Variants in CACNA2D3 observed in about 807,000 individuals in gnomAD.
CACNA2D3 encodes the protein voltage-dependent calcium channel subunit alpha-2/delta-3.
Under a neutral mutation model 160.6 loss-of-function variants are expected in CACNA2D3, and 60 were observed. The ratio of observed to expected loss-of-function variants is 0.37; its 90% CI spans 0.30 to 0.46. The LOEUF is 0.46. Among genes scored for constraint, CACNA2D3 ranks in the 20% least tolerant of loss-of-function variants. The pLI, the probability that CACNA2D3 is intolerant of heterozygous loss-of-function variation, is 1.00. For synonymous variants in CACNA2D3, 558 were observed against 492.9 expected (o/e 1.13, Z -1.75); for missense variants, 1,205 against 1,365.0 (o/e 0.88, Z 1.85).
intron 5 of CACNA2D3, among the ~76,000 whole-genome samples, chr3:54,517,703 G>A (rs1701575835): frequency 6.6e-6 from 1 of 152,170 alleles, no homozygotes; most frequent in African/African-American, 2.4e-5. Flanking sequence ...TTCTCTGAGG[G>A]GACTCCTGAG....
chr3:54,525,384 T>G (rs1467982705), intron 5 of CACNA2D3, among the ~76,000 whole-genome samples: 1 of 152,154 alleles, frequency 6.6e-6, no homozygotes. Flanking sequence ...TCATTTTGTC[T>G]TTCATAGTTA....
chr3:54,647,702 T>G (rs556801789), intron 11 of CACNA2D3, among the ~76,000 whole-genome samples: 29 of 152,356 alleles, frequency 1.9e-4, no homozygotes, highest in South Asian at 6.2e-4. Flanking sequence ...CAACAGGGCC[T>G]TGCTCCAAGC....
At chr3:54,999,996 T>A (rs887228734) in intron 31 of CACNA2D3, among the ~76,000 whole-genome samples, 1 of 152,148 alleles carries the variant, frequency 6.6e-6, no homozygotes, top group African/African-American at 2.4e-5. Flanking sequence ...CCACCATCCA[T>A]GTGGGCACAC....
chr3:54,895,948 GA>G (rs1485850378), intron 25 of CACNA2D3, among the ~76,000 whole-genome samples: 5 of 152,184 alleles, frequency 3.3e-5, no homozygotes, highest in Non-Finnish European at 7.4e-5. Context: ...CTGGGGAGGG[GA>G]TATGATGATT....
At chr3:54,306,898 G>T (rs547581317) in intron 2 of CACNA2D3, among the ~76,000 whole-genome samples, 5 of 152,272 alleles carry the variant, frequency 3.3e-5, no homozygotes, top group African/African-American at 1.2e-4. Context: ...GGACTCAGTG[G>T]GAGATTTCAT....
intron 5 of CACNA2D3, among the ~76,000 whole-genome samples, chr3:54,541,943 T>C (rs1400828247): frequency 6.6e-6 from 1 of 151,814 alleles, no homozygotes; most frequent in Non-Finnish European, 1.5e-5. Context: ...TGTGGGTTTT[T>C]TTTTTTTTCG....
intron 5 of CACNA2D3, among the ~76,000 whole-genome samples, chr3:54,511,108 T>G (rs1701451632): frequency 6.6e-6 from 1 of 151,688 alleles, no homozygotes; most frequent in Non-Finnish European, 1.5e-5. Flanking sequence ...TCTGACCTCC[T>G]GCTGAGGGTA....
chr3:54,327,667 G>A (rs6784315), intron 3 of CACNA2D3, among the ~76,000 whole-genome samples: 95,527 of 151,916 alleles, frequency 0.63, 31,309 homozygotes, highest in Non-Finnish European at 0.74. Flanking sequence ...TCGTGAAAGA[G>A]AAAAGAATGT....
chr3:54,233,894 A>G (rs1350684597), intron 2 of CACNA2D3, among the ~76,000 whole-genome samples: 2 of 152,226 alleles, frequency 1.3e-5, no homozygotes, highest in Non-Finnish European at 2.9e-5. Context: ...ATAACACCAA[A>G]TAAGTTTTCA....
At chr3:55,024,075 G>T (rs1473040441) in intron 35 of CACNA2D3, among the ~76,000 whole-genome samples, 1 of 121,052 alleles carries the variant, frequency 8.3e-6, no homozygotes, top group Non-Finnish European at 1.7e-5. Flanking sequence ...CTGACTTGGG[G>T]GCATTCTAGA....
intron 11 of CACNA2D3, 57 bp from the exon 12 acceptor site, chr3:54,752,542 C>G (rs1370759869): frequency 8.4e-7 from 1 of 1,187,632 alleles, no homozygotes; most frequent in Non-Finnish European, 1.2e-6. Flanking sequence ...TGCATGTGAT[C>G]TGTGCAGGAT....
At chr3:54,286,386 A>G (rs1303993548) in intron 2 of CACNA2D3, among the ~76,000 whole-genome samples, 1 of 152,222 alleles carries the variant, frequency 6.6e-6, no homozygotes, top group Admixed American at 6.5e-5. Context: ...AGAAAAAAGA[A>G]TAAAAAGAAA....
chr3:54,294,562 G>T (rs1260103197), intron 2 of CACNA2D3, among the ~76,000 whole-genome samples: 1 of 152,170 alleles, frequency 6.6e-6, no homozygotes, highest in Non-Finnish European at 1.5e-5. Flanking sequence ...GAAGCTGGTG[G>T]TGTGGGGAGT....
chr3:54,207,608 T>C (rs1180506374), intron 2 of CACNA2D3, among the ~76,000 whole-genome samples: 1 of 152,174 alleles, frequency 6.6e-6, no homozygotes, highest in Non-Finnish European at 1.5e-5. Context: ...GGTAGCAGTC[T>C]TCCAAGCCAG....
At chr3:54,153,453 C>T (rs1275070471) in intron 2 of CACNA2D3, among the ~76,000 whole-genome samples, 1 of 152,184 alleles carries the variant, frequency 6.6e-6, no homozygotes, top group African/African-American at 2.4e-5. Flanking sequence ...CTTATTTATT[C>T]AGTCAACATT....
intron 11 of CACNA2D3, among the ~76,000 whole-genome samples, chr3:54,683,427 T>C (rs1441656400): frequency 6.6e-6 from 1 of 152,252 alleles, no homozygotes; most frequent in African/African-American, 2.4e-5. Flanking sequence ...AAGCATGGAT[T>C]TGGAGTTCAA....
At chr3:54,530,288 C>T (rs1701786878) in intron 5 of CACNA2D3, among the ~76,000 whole-genome samples, 1 of 152,192 alleles carries the variant, frequency 6.6e-6, no homozygotes, top group Admixed American at 6.5e-5. Flanking sequence ...GCTGGTGGAG[C>T]TCTCCTGGCC....
At chr3:54,856,255 AAGG>A (rs3086628) in intron 17 of CACNA2D3, among the ~76,000 whole-genome samples, 44,001 of 151,984 alleles carry the variant, frequency 0.29, 7,506 homozygotes, top group East Asian at 0.42. Context: ...TACTGACAAG[AAGG>A]AGAATTTATG....
chr3:54,178,226 G>A (rs1700712133), intron 2 of CACNA2D3, among the ~76,000 whole-genome samples: 1 of 152,226 alleles, frequency 6.6e-6, no homozygotes, highest in Admixed American at 6.5e-5. Context: ...TCAGAAAATA[G>A]CCTTTGCCCT....
Sources: gnomAD v4.1 joint callset for allele counts (sites outside exome capture counted in the v4.1 genomes callset) on GRCh38, gnomAD v4.1.1 for gene constraint, MANE v1.5 for transcripts, NCBI Gene and HGNC (gene_info 2026-07-23, HGNC 2026-07-21) for gene names.